INPP5B: variants seen among roughly 807,000 people sequenced by gnomAD.
The protein encoded by INPP5B is inositol polyphosphate-5-phosphatase B.
INPP5B carries 90 observed loss-of-function variants against 118.5 expected under a neutral mutation model. That is an observed-to-expected ratio of 0.76 (90% CI 0.64 to 0.90). The LOEUF (loss-of-function observed/expected upper bound fraction) is 0.90. INPP5B is among the 40% of genes least tolerant of loss of function. The pLI is 0.00. For synonymous variants in INPP5B, 385 were observed against 418.9 expected (o/e 0.92, Z 0.99); for missense variants, 984 against 1,125.6 (o/e 0.87, Z 1.80).
At chr1:37,931,093 C>T (rs1198084408) in intron 7 of INPP5B, 2 of 169,160 alleles carry the variant, frequency 1.2e-5, no homozygotes, top group South Asian at 1.3e-4. Flanking sequence ...TTCTGTGCTC[C>T]CCATTATCCA....
At chr1:37,925,885 C>A (rs1645209120) in intron 7 of INPP5B, among the ~76,000 whole-genome samples, 1 of 152,204 alleles carries the variant, frequency 6.6e-6, no homozygotes, top group Non-Finnish European at 1.5e-5. Flanking sequence ...ATACAGTTCT[C>A]TTTTGTTTAA....
intron 9 of INPP5B, among the ~76,000 whole-genome samples, chr1:37,888,978 T>G (rs981189569): frequency 1.3e-5 from 2 of 152,186 alleles, no homozygotes; most frequent in East Asian, 3.8e-4. Context: ...AGAGGCCAGG[T>G]GTGGTGGTTC....
chr1:37,877,304 T>C (rs746791675), intron 16 of INPP5B, among the ~76,000 whole-genome samples: 4 of 150,340 alleles, frequency 2.7e-5, no homozygotes, highest in Middle Eastern at 3.4e-3. Flanking sequence ...ATCACGCCAC[T>C]GCACTCCAGC....
intron 19 of INPP5B, among the ~76,000 whole-genome samples, chr1:37,872,063 CAAAAAAAA>C (rs34131982): frequency 6.9e-5 from 4 of 58,220 alleles, no homozygotes; most frequent in Admixed American, 6.6e-4. Context: ...GACTCCATCT[CAAAAAAAA>C]AAAAAAAAAA....
At chr1:37,935,791 G>A (rs1390184851) in intron 6 of INPP5B, among the ~76,000 whole-genome samples, 1 of 151,954 alleles carries the variant, frequency 6.6e-6, no homozygotes, top group Non-Finnish European at 1.5e-5. Context: ...TGGCGGCCGG[G>A]CGCGGTGGCT....
intron 6 of INPP5B, among the ~76,000 whole-genome samples, chr1:37,936,437 A>G (rs1054062753): frequency 2.6e-5 from 4 of 152,098 alleles, no homozygotes; most frequent in Non-Finnish European, 5.9e-5. Flanking sequence ...CCTGGGCAAC[A>G]TGGTAAAACC....
chr1:37,889,293 C>T (rs1275273026), intron 9 of INPP5B, among the ~76,000 whole-genome samples: 1 of 152,052 alleles, frequency 6.6e-6, no homozygotes, highest in Non-Finnish European at 1.5e-5. Context: ...TCTTCTGTAC[C>T]CATTTGTCTC....
intron 7 of INPP5B, among the ~76,000 whole-genome samples, chr1:37,904,499 A>G (rs568892754): frequency 2.0e-5 from 3 of 152,320 alleles, no homozygotes; most frequent in African/African-American, 7.2e-5. Flanking sequence ...AGAGGGTATT[A>G]TTCAGTTTTT....
At chr1:37,879,673 G>T (rs971341007) in intron 15 of INPP5B, among the ~76,000 whole-genome samples, 1 of 151,982 alleles carries the variant, frequency 6.6e-6, no homozygotes, top group African/African-American at 2.4e-5. Flanking sequence ...CAGGAGAATC[G>T]CTTGAACTCG....
At chr1:37,945,578 T>G (rs920949514) in intron 3 of INPP5B, among the ~76,000 whole-genome samples, 178 bp downstream of exon 3, 1 of 152,268 alleles carries the variant, frequency 6.6e-6, no homozygotes, top group African/African-American at 2.4e-5. Flanking sequence ...TTGAGGATTA[T>G]GAGTTAGTAC....
At chr1:37,925,397 C>T (rs1269292114) in intron 7 of INPP5B, among the ~76,000 whole-genome samples, 13 of 151,942 alleles carry the variant, frequency 8.6e-5, no homozygotes, top group Non-Finnish European at 1.9e-4. Flanking sequence ...ACTGTTAGAG[C>T]GTAATTTATT....
intron 7 of INPP5B, among the ~76,000 whole-genome samples, chr1:37,923,913 G>T (rs918693263): frequency 6.6e-6 from 1 of 151,660 alleles, no homozygotes; most frequent in Admixed American, 6.6e-5. Context: ...GTGGCACGCA[G>T]ATTACAGACG....
intron 7 of INPP5B, among the ~76,000 whole-genome samples, chr1:37,901,664 C>T (rs1401095823): frequency 1.3e-5 from 2 of 152,170 alleles, no homozygotes; most frequent in African/African-American, 4.8e-5. Flanking sequence ...AACATCTTCA[C>T]TCATTACACT....
chr1:37,862,712 C>T (rs1203563699), intron 23 of INPP5B, among the ~76,000 whole-genome samples: 2 of 152,160 alleles, frequency 1.3e-5, no homozygotes, highest in South Asian at 2.1e-4. Flanking sequence ...TATATCTAAA[C>T]ATAGGAAAGG....
Position 37,946,159 on chromosome 1 carries a change from G to C in INPP5B, c.57+93C>G, listed in dbSNP as rs1002341367. ...TTTCCTTCTCCCCTGATGGTTCAGA[G>C]GGGCAGGAGAGGGGATAGACACCTC... On this transcript the variant is annotated intron_variant, in intron 2 of 23. Transcript: ENST00000373024. 4.2e-6 allele frequency: 5 copies of C among 1,195,812 alleles called. No homozygotes were observed. In the South Asian group the frequency reaches 6.6e-5, roughly 16 times the overall value. 74.1% of individuals were successfully genotyped at this position (1,195,812 alleles called of 1,614,324 possible).
At chr1:37,885,614 C>CA in intron 13 of INPP5B, 24 bp downstream of exon 13, 1 of 1,609,398 alleles carries the variant, frequency 6.2e-7, no homozygotes. Flanking sequence ...TGGTGAACCG[C>CA]ATGGGGTGGA....
chr1:37,926,432 C>T (rs879300311), intron 7 of INPP5B, among the ~76,000 whole-genome samples: 3 of 152,014 alleles, frequency 2.0e-5, no homozygotes, highest in Non-Finnish European at 2.9e-5. Flanking sequence ...TACAGGCGCA[C>T]GCCACCACGC....
chr1:37,882,654 C>A (rs1643274546), intron 14 of INPP5B, among the ~76,000 whole-genome samples, 153 bp downstream of exon 14: 1 of 151,950 alleles, frequency 6.6e-6, no homozygotes, highest in African/African-American at 2.4e-5. Flanking sequence ...GAGGGAAATG[C>A]AGATGAAATG....
chr1:37,945,609 A>T (rs1258087978), intron 3 of INPP5B, 147 bp downstream of exon 3: 1 of 614,098 alleles, frequency 1.6e-6, no homozygotes, highest in Non-Finnish European at 2.9e-6. Flanking sequence ...TTTAAAATAT[A>T]GTGTTCAAAA....
Sources: gnomAD v4.1 joint callset for allele counts (sites outside exome capture counted in the v4.1 genomes callset) on GRCh38, gnomAD v4.1.1 for gene constraint, MANE v1.5 for transcripts, NCBI Gene and HGNC (gene_info 2026-07-23, HGNC 2026-07-21) for gene names.